SLC5A4: variants seen among roughly 807,000 people sequenced by gnomAD.
SLC5A4 encodes solute carrier family 5 member 4, also known as probable glucose sensor protein SLC5A4.
SLC5A4 carries 55 observed loss-of-function variants against 70.3 expected under a neutral mutation model. The observed-to-expected ratio is 0.78, with a 90% CI of 0.63 to 0.98. The LOEUF (loss-of-function observed/expected upper bound fraction) is 0.98. Among genes scored for constraint, SLC5A4 ranks in the 50% least tolerant of loss-of-function variants. The pLI, the probability that SLC5A4 is intolerant of heterozygous loss-of-function variation, is 0.00. For missense variants in SLC5A4, 735 were observed against 839.2 expected, an observed-to-expected ratio of 0.88 and a Z score of 1.53; for synonymous variants, 268 against 305.7, an observed-to-expected ratio of 0.88 and a Z score of 1.29.
the SLC5A4 span, among the ~76,000 whole-genome samples, chr22:32,304,828 C>G: frequency 6.8e-6 from 1 of 147,972 alleles, no homozygotes; most frequent in Non-Finnish European, 1.5e-5. Flanking sequence ...TAGATTTTCT[C>G]CTATGTTCTA....
chr22:32,251,965 C>G, intron 2 of SLC5A4, 91 bp from the exon 3 acceptor site: 1 of 919,658 alleles, frequency 1.1e-6, no homozygotes, highest in Non-Finnish European at 1.8e-6. Context: ...CGTGGTGGCT[C>G]ACGCCTGTAA....
At chr22:32,223,186 C>A (rs186221234) in intron 13 of SLC5A4, among the ~76,000 whole-genome samples, 7 of 152,276 alleles carry the variant, frequency 4.6e-5, no homozygotes, top group Non-Finnish European at 8.8e-5. Flanking sequence ...TGTGCTCATT[C>A]CTTTCATGAT....
At chr22:32,306,447 C>G in the SLC5A4 span, among the ~76,000 whole-genome samples, 1 of 139,044 alleles carries the variant, frequency 7.2e-6, no homozygotes, top group Non-Finnish European at 1.5e-5. Context: ...GCCTGGGCGA[C>G]AGAGCAAGAC....
chr22:32,279,824 G>A, the SLC5A4 span, among the ~76,000 whole-genome samples: 1 of 151,188 alleles, frequency 6.6e-6, no homozygotes, highest in Non-Finnish European at 1.5e-5. Context: ...GTGATCCCAA[G>A]CCCACCCAGA....
upstream of SLC5A4, chr22:32,255,448 C>A (rs1045846781): frequency 6.6e-6 from 7 of 1,068,200 alleles, no homozygotes; most frequent in African/African-American, 4.7e-5. Flanking sequence ...GATATGGAGA[C>A]CTTTAAACCT....
At chr22:32,252,360 C>T (rs568959190) in intron 2 of SLC5A4, among the ~76,000 whole-genome samples, 72 of 152,190 alleles carry the variant, frequency 4.7e-4, no homozygotes, top group African/African-American at 1.7e-3. Flanking sequence ...GGCCCACGAG[C>T]CAAGAATGTT....
the SLC5A4 span, among the ~76,000 whole-genome samples, chr22:32,330,474 G>A: frequency 8.2e-6 from 1 of 122,204 alleles, no homozygotes; most frequent in Non-Finnish European, 1.7e-5. Context: ...TGTGTGTGTT[G>A]GAGGCTCCAC....
chr22:32,262,730 A>G, the SLC5A4 span, among the ~76,000 whole-genome samples: 1 of 147,198 alleles, frequency 6.8e-6, no homozygotes, highest in Non-Finnish European at 1.5e-5. Context: ...AAATTCCTAC[A>G]GTCAGAAATA....
At chr22:32,344,075 G>C in the SLC5A4 span, among the ~76,000 whole-genome samples, 1 of 152,140 alleles carries the variant, frequency 6.6e-6, no homozygotes, top group Non-Finnish European at 1.5e-5. Context: ...AGTGAGGGTG[G>C]ATAGAATTCA....
the SLC5A4 span, chr22:32,271,634 T>G: frequency 1.6e-6 from 1 of 627,912 alleles, no homozygotes; most frequent in Non-Finnish European, 2.9e-6. Flanking sequence ...AGTGTTCATC[T>G]GCGGCCCCTC....
intron 13 of SLC5A4, among the ~76,000 whole-genome samples, chr22:32,221,503 T>G (rs1925078743): frequency 6.6e-6 from 1 of 152,330 alleles, no homozygotes; most frequent in Middle Eastern, 3.4e-3. Flanking sequence ...ATTAGTACCC[T>G]TACACACTCC....
intron 5 of SLC5A4, among the ~76,000 whole-genome samples, chr22:32,246,592 A>G (rs1926843273): frequency 6.6e-6 from 1 of 151,956 alleles, no homozygotes; most frequent in Non-Finnish European, 1.5e-5. Flanking sequence ...CAGTGGTGTG[A>G]TCTTGGCTCA....
chr22:32,274,358 T>C, the SLC5A4 span, among the ~76,000 whole-genome samples: 1 of 152,132 alleles, frequency 6.6e-6, no homozygotes, highest in South Asian at 2.1e-4. Context: ...GATATTCTTA[T>C]TTAAAAATGG....
intron 2 of SLC5A4, among the ~76,000 whole-genome samples, chr22:32,253,888 A>C (rs2235169): frequency 0.17 from 25,078 of 151,676 alleles, 2,452 homozygotes; most frequent in African/African-American, 0.29. Flanking sequence ...TCAAGTGATT[A>C]TCCTGCCTCA....
the SLC5A4 span, among the ~76,000 whole-genome samples, chr22:32,324,853 T>C: frequency 6.6e-6 from 1 of 152,204 alleles, no homozygotes; most frequent in Non-Finnish European, 1.5e-5. Flanking sequence ...CAGCCCACAG[T>C]AGCCCCGGGA....
At chr22:32,316,539 C>A in the SLC5A4 span, among the ~76,000 whole-genome samples, 2 of 146,160 alleles carry the variant, frequency 1.4e-5, no homozygotes, top group Admixed American at 6.9e-5. Flanking sequence ...TTTTTTTTTA[C>A]TTTTTTTAAA....
chr22:32,271,285 C>T, the SLC5A4 span: 1 of 751,228 alleles, frequency 1.3e-6, no homozygotes, highest in Non-Finnish European at 2.4e-6. Context: ...GCCCACCACA[C>T]AGGGCGAGGC....
At chr22:32,343,789 A>G in the SLC5A4 span, among the ~76,000 whole-genome samples, 3 of 152,324 alleles carry the variant, frequency 2.0e-5, no homozygotes, top group East Asian at 5.8e-4. Flanking sequence ...AAAATAAAAC[A>G]ATGCTAATAC....
At chr22:32,306,374 G>A in the SLC5A4 span, among the ~76,000 whole-genome samples, 1 of 151,586 alleles carries the variant, frequency 6.6e-6, no homozygotes, top group Admixed American at 6.6e-5. Context: ...GCTGAGGCAG[G>A]AGAATGGCGT....
Sources: gnomAD v4.1 joint callset for allele counts (sites outside exome capture counted in the v4.1 genomes callset) on GRCh38, gnomAD v4.1.1 for gene constraint, MANE v1.5 for transcripts, NCBI Gene and HGNC (gene_info 2026-07-23, HGNC 2026-07-21) for gene names.